The following ESRRB variants were observed in gnomAD, a reference collection of about 807,000 sequenced individuals.
ESRRB encodes steroid hormone receptor ERR2.
A neutral mutation model predicts 46.0 loss-of-function variants in ESRRB; 16 were observed. The observed-to-expected ratio is 0.35, with a 90% confidence interval of 0.24 to 0.53. The LOEUF (loss-of-function observed/expected upper bound fraction) is 0.53. ESRRB is among the 20% of genes least tolerant of loss of function. The probability of loss-of-function intolerance (pLI) is 0.93; values close to 1 mark genes in which losing one functional copy is unlikely to be tolerated. For missense variants in ESRRB, 488 were observed against 607.4 expected (o/e 0.80, Z 2.07); for synonymous variants, 246 against 259.6 (o/e 0.95, Z 0.50).
At chr14:76,358,881 G>C (rs1255406905) in intron 1 of ESRRB, among the ~76,000 whole-genome samples, 1 of 148,234 alleles carries the variant, frequency 6.7e-6, no homozygotes, top group Non-Finnish European at 1.5e-5. Context: ...CCATGCTTGA[G>C]AATCTTCTCC....
chr14:76,417,893 G>C (rs1886772414), intron 1 of ESRRB, among the ~76,000 whole-genome samples: 1 of 151,666 alleles, frequency 6.6e-6, no homozygotes, highest in Non-Finnish European at 1.5e-5. Flanking sequence ...TGGGCCAAGT[G>C]AGCGCCTCCT....
At chr14:76,328,179 C>T (rs1883957601) in intron 1 of ESRRB, among the ~76,000 whole-genome samples, 1 of 152,098 alleles carries the variant, frequency 6.6e-6, no homozygotes, top group African/African-American at 2.4e-5. Flanking sequence ...CACCCTCAGT[C>T]CAGTACTCAT....
At chr14:76,391,126 A>AT (rs1188000904) in intron 1 of ESRRB, among the ~76,000 whole-genome samples, 1 of 152,180 alleles carries the variant, frequency 6.6e-6, no homozygotes, top group African/African-American at 2.4e-5. Context: ...TTGAGGTTAC[A>AT]TTGGCTGCAT....
intron 1 of ESRRB, among the ~76,000 whole-genome samples, chr14:76,401,585 C>T (rs1566877744): frequency 6.6e-6 from 1 of 152,324 alleles, no homozygotes; most frequent in East Asian, 1.9e-4. Context: ...TATAACACTG[C>T]ATTTTTTACA....
chr14:76,449,832 T>A (rs1176818259), intron 2 of ESRRB, among the ~76,000 whole-genome samples: 1 of 149,956 alleles, frequency 6.7e-6, no homozygotes, highest in Non-Finnish European at 1.5e-5. Context: ...AGAGACATGA[T>A]CATGGCTTAC....
rs1890576068 is a variant in ESRRB at position 76,499,458 on chromosome 14, C to G, written c.*1000C>G. On this transcript the variant is annotated 3_prime_UTR_variant, in exon 7 of 7. Transcript: ENST00000644823. ...CTCATCTTTGCCAAGCACAGAAAGG[C>G]CGAGCAGCTGAGATAAGTAGGCAGG... 2.9e-6 allele frequency: 1 copy of G among 344,138 alleles called. No homozygotes were observed. Among genetic ancestry groups the G allele is most frequent in the Non-Finnish European group, 5.6e-6 (1 of 177,574 alleles). 21.3% of individuals were successfully genotyped at this position (344,138 alleles called of 1,614,324 possible).
chr14:76,470,486 G>A (rs1889335829), intron 3 of ESRRB, among the ~76,000 whole-genome samples: 2 of 152,146 alleles, frequency 1.3e-5, no homozygotes, highest in African/African-American at 2.4e-5. Context: ...AGGAGGAAAA[G>A]CTCCATGTGA....
chr14:76,318,451 T>G (rs1595043045), intron 1 of ESRRB, among the ~76,000 whole-genome samples: 1 of 152,148 alleles, frequency 6.6e-6, no homozygotes, highest in Non-Finnish European at 1.5e-5. Flanking sequence ...TGCTTGCCAG[T>G]TTTAGACTAA....
chr14:76,315,349 C>CT (rs745455280), intron 1 of ESRRB, among the ~76,000 whole-genome samples: 31 of 152,170 alleles, frequency 2.0e-4, no homozygotes, highest in Non-Finnish European at 4.1e-4. Flanking sequence ...CTTTGTTAGC[C>CT]TGCCTCATCG....
At chr14:76,486,757 C>G (rs1890038104) in intron 5 of ESRRB, among the ~76,000 whole-genome samples, 1 of 152,160 alleles carries the variant, frequency 6.6e-6, no homozygotes, top group Admixed American at 6.5e-5. Flanking sequence ...TGAGGCAGTG[C>G]TGCCTGCAGT....
At chr14:76,495,498 G>A (rs1890389572) in intron 6 of ESRRB, 1 of 150,724 alleles carries the variant, frequency 6.6e-6, no homozygotes. Context: ...TGAGCATGAG[G>A]CCCTCTTGCT....
intron 1 of ESRRB, among the ~76,000 whole-genome samples, chr14:76,328,157 C>T (rs1883957353): frequency 6.6e-6 from 1 of 152,096 alleles, no homozygotes; most frequent in South Asian, 2.1e-4. Flanking sequence ...AAACTGAGGC[C>T]GGTGGTCAGA....
intron 6 of ESRRB, among the ~76,000 whole-genome samples, chr14:76,496,855 G>A (rs1387850293): frequency 1.3e-5 from 2 of 152,178 alleles, no homozygotes; most frequent in Admixed American, 1.3e-4. Context: ...CCTGCTGGCT[G>A]CGGTTTACCC....
At chr14:76,401,268 C>A (rs1885931651) in intron 1 of ESRRB, among the ~76,000 whole-genome samples, 1 of 152,208 alleles carries the variant, frequency 6.6e-6, no homozygotes. Flanking sequence ...ATTAAAGAGA[C>A]CATGATGAAT....
At chr14:76,385,978 A>G (rs1000377630) in intron 1 of ESRRB, among the ~76,000 whole-genome samples, 15 of 152,220 alleles carry the variant, frequency 9.9e-5, no homozygotes, top group African/African-American at 2.7e-4. Flanking sequence ...GTAGGTGTGC[A>G]TTAAATGTCC....
At position 76,376,425 on chromosome 14, in the gene ESRRB, C is replaced by G; in HGVS notation, c.24C>G (p.Ile8Met). 1 of 1,231,754 alleles carries G rather than the reference C, an allele frequency of 8.1e-7. No individual in the cohort carries two copies. The highest frequency in any genetic ancestry group is 1.0e-6 in the Non-Finnish European group (1 of 988,008). The allele number at this position is 1,231,754 out of a possible 1,614,324, so 76.3% of individuals were successfully genotyped here. The change falls in exon 1 of 7, where the codon ATC becomes ATG. Residue 8 changes from isoleucine to methionine, a missense_variant. Physicochemically the swap from Ile to Met is conservative, Grantham distance 10 (BLOSUM62 1). Coordinates refer to ENST00000644823, the MANE Select transcript of ESRRB (RefSeq NM_001379180.1). This position sits in a 1 kb window ranked among gnomAD's most constrained non-coding sequence, Gnocchi z 4.1. MDVSELC[I>M]PDPLGYHNQL... ...TGATGGACGTGTCCGAACTCTGCAT[C>G]CCGGACCCCCTCGGCTACCACAACC... is the stretch of plus-strand genomic sequence containing the variant.
chr14:76,465,894 C>CT (rs1889088767), intron 3 of ESRRB, among the ~76,000 whole-genome samples: 1 of 152,240 alleles, frequency 6.6e-6, no homozygotes, highest in Admixed American at 6.5e-5. Context: ...CCTGCAGGGC[C>CT]TTGGAGAGAT....
At chr14:76,424,284 A>C (rs918913934) in intron 1 of ESRRB, among the ~76,000 whole-genome samples, 8 of 152,132 alleles carry the variant, frequency 5.3e-5, no homozygotes, top group African/African-American at 1.9e-4. Flanking sequence ...TGTCCACCTG[A>C]GTTAAGATGC....
Position 76,480,462 on chromosome 14 carries a change from A to G in ESRRB, c.578-1554A>G, listed in dbSNP as rs566429728. ...AAGGAGTTTTCTCCACTCATTCAGT[A>G]AACAAAGTAATTTTGCTTTCAGTTG... On this transcript the variant is annotated intron_variant, in intron 3 of 6. Coordinates refer to ENST00000644823, the MANE Select transcript of ESRRB (RefSeq NM_001379180.1). 5.3e-5 allele frequency among the ~76,000 whole-genome samples: 8 copies of G among 152,350 alleles called. No individual in the cohort carries two copies. The East Asian group carries it at 1.4e-3, about 26-fold the overall frequency.
Sources: gnomAD v4.1 joint callset for allele counts (sites outside exome capture counted in the v4.1 genomes callset) on GRCh38, gnomAD v4.1.1 for gene constraint, Gnocchi (gnomAD v3.1) non-coding constraint, MANE v1.5 for transcripts, NCBI Gene and HGNC (gene_info 2026-07-23, HGNC 2026-07-21) for gene names.